LRP1B: variants seen among roughly 807,000 people sequenced by gnomAD.
The protein encoded by LRP1B is LDL receptor related protein 1B, also known as low-density lipoprotein receptor-related protein 1B.
LRP1B carries 217 observed loss-of-function variants against 556.6 expected under a neutral mutation model. The observed-to-expected ratio is 0.39, with a 90% confidence interval of 0.35 to 0.44. The LOEUF (loss-of-function observed/expected upper bound fraction) is 0.44. LRP1B is among the 20% of genes least tolerant of loss of function. LRP1B has a pLI of 1.00. For missense variants in LRP1B, 5,053 were observed against 5,620.8 expected (o/e 0.90, Z 3.23); for synonymous variants, 2,047 against 1,865.8 (o/e 1.10, Z -2.50).
intron 1 of LRP1B, among the ~76,000 whole-genome samples, chr2:141,813,314 T>G (rs1235933469): frequency 6.6e-6 from 1 of 151,938 alleles, no homozygotes; most frequent in Non-Finnish European, 1.5e-5. Context: ...GGACTGACGG[T>G]TAGAGTATGG....
chr2:142,003,905 G>A (rs1312126818), intron 1 of LRP1B, among the ~76,000 whole-genome samples: 1 of 152,178 alleles, frequency 6.6e-6, no homozygotes, highest in Non-Finnish European at 1.5e-5. Context: ...ATATTATGCT[G>A]CCTTCACTTT....
intron 7 of LRP1B, among the ~76,000 whole-genome samples, chr2:141,153,308 T>A (rs1318355956): frequency 1.7e-5 from 2 of 120,148 alleles, no homozygotes; most frequent in South Asian, 4.8e-4. Flanking sequence ...TAATATATTA[T>A]ATATATTAGC....
intron 7 of LRP1B, among the ~76,000 whole-genome samples, chr2:141,096,399 C>T (rs1290673845): frequency 6.6e-6 from 1 of 151,958 alleles, no homozygotes; most frequent in Non-Finnish European, 1.5e-5. Flanking sequence ...ACCAGCCTGG[C>T]CAACATGGTG....
At chr2:140,595,166 A>G (rs906573277) in intron 43 of LRP1B, among the ~76,000 whole-genome samples, 32 of 141,866 alleles carry the variant, frequency 2.3e-4, no homozygotes, top group African/African-American at 8.2e-4. Flanking sequence ...GGAATAAAAT[A>G]AGGAGTAGAA....
chr2:141,004,193 G>T (rs1002819990), intron 15 of LRP1B, among the ~76,000 whole-genome samples: 2 of 151,998 alleles, frequency 1.3e-5, no homozygotes, highest in African/African-American at 2.4e-5. Context: ...AATTTTATAT[G>T]CCAACTTGAC....
At chr2:140,803,602 C>T (rs1463407648) in intron 32 of LRP1B, among the ~76,000 whole-genome samples, 2 of 151,844 alleles carry the variant, frequency 1.3e-5, no homozygotes, top group African/African-American at 4.8e-5. Flanking sequence ...CTGGCTGGAA[C>T]TTTTATTTTA....
chr2:141,314,263 A>T (rs1686915670), intron 3 of LRP1B, among the ~76,000 whole-genome samples: 1 of 152,144 alleles, frequency 6.6e-6, no homozygotes, highest in African/African-American at 2.4e-5. Flanking sequence ...TTGTCCTTTG[A>T]ATATAAGATA....
rs575090709 is a variant in LRP1B, at chr2:142,031,190, T to A, written c.82+99458A>T. On this transcript the variant is annotated intron_variant, in intron 1 of 90. Transcript: ENST00000389484. ...ATATAGCTTTCTTTCTTCTTGTGTG[T>A]GTGTAATGAGATAAATGTGCATGTG... Among the ~76,000 whole-genome samples the A allele has an allele frequency of 5.3e-5, 8 of 151,856 alleles. No homozygotes were observed. In the South Asian group the frequency reaches 8.3e-4, roughly 16 times the overall value.
chr2:141,934,911 T>G (rs7587996), intron 1 of LRP1B, among the ~76,000 whole-genome samples: 11,928 of 152,176 alleles, frequency 0.078, 1,561 homozygotes, highest in African/African-American at 0.27. Flanking sequence ...GAAAACAGAC[T>G]AATACACCCA....
At chr2:141,012,585 C>G (rs1697787111) in intron 14 of LRP1B, among the ~76,000 whole-genome samples, 4 of 151,768 alleles carry the variant, frequency 2.6e-5, no homozygotes, top group Admixed American at 2.6e-4. Context: ...ATAATTTTAT[C>G]TTTTATCAGC....
intron 35 of LRP1B, among the ~76,000 whole-genome samples, chr2:140,764,125 A>C (rs555243053): frequency 6.6e-6 from 1 of 152,252 alleles, no homozygotes; most frequent in African/African-American, 2.4e-5. Context: ...TTACTAGAAA[A>C]ATTTTGTAAA....
chr2:141,950,391 C>A (rs1701074139), intron 1 of LRP1B, among the ~76,000 whole-genome samples: 2 of 152,134 alleles, frequency 1.3e-5, no homozygotes, highest in African/African-American at 4.8e-5. Flanking sequence ...TTAGGTAACT[C>A]AATCTAGTCT....
intron 2 of LRP1B, among the ~76,000 whole-genome samples, chr2:141,678,921 C>T (rs188359051): frequency 1.3e-5 from 2 of 152,206 alleles, no homozygotes; most frequent in Admixed American, 1.3e-4. Context: ...GACCTAGTAA[C>T]TTGCTGCTAA....
At chr2:141,605,689 T>C (rs756975254) in intron 2 of LRP1B, among the ~76,000 whole-genome samples, 2 of 152,188 alleles carry the variant, frequency 1.3e-5, no homozygotes, top group Non-Finnish European at 2.9e-5. Flanking sequence ...CTGCTGTTAC[T>C]GCTAAATAGG....
intron 2 of LRP1B, among the ~76,000 whole-genome samples, chr2:141,745,332 A>C (rs1693874031): frequency 6.6e-6 from 1 of 152,124 alleles, no homozygotes; most frequent in Admixed American, 6.6e-5. Context: ...TGAAGTGAAA[A>C]ATATTAGAAA....
chr2:141,829,635 A>G (rs557334800), intron 1 of LRP1B, among the ~76,000 whole-genome samples: 11 of 152,184 alleles, frequency 7.2e-5, no homozygotes, highest in African/African-American at 2.6e-4. Flanking sequence ...CTCTAAAACA[A>G]GAAGGAACAG....
At chr2:140,439,507 T>A (rs996913574) in intron 66 of LRP1B, among the ~76,000 whole-genome samples, 1 of 152,120 alleles carries the variant, frequency 6.6e-6, no homozygotes, top group Non-Finnish European at 1.5e-5. Flanking sequence ...AATCTTTACA[T>A]ACACAAAAAT....
chr2:141,663,500 C>T (rs527929056), intron 2 of LRP1B, among the ~76,000 whole-genome samples: 4 of 151,712 alleles, frequency 2.6e-5, no homozygotes, highest in Admixed American at 1.3e-4. Flanking sequence ...GAAGTGATAA[C>T]GAGAATATCA....
chr2:141,979,880 C>T (rs1394174506), intron 1 of LRP1B, among the ~76,000 whole-genome samples: 2 of 151,984 alleles, frequency 1.3e-5, no homozygotes, highest in African/African-American at 4.8e-5. Context: ...ATCATCATGC[C>T]CATTATCAGA....
Sources: allele counts gnomAD v4.1 joint callset (sites outside exome capture counted in the v4.1 genomes callset), GRCh38; gene constraint gnomAD v4.1.1; transcripts MANE v1.5; gene names NCBI Gene and HGNC (gene_info 2026-07-23, HGNC 2026-07-21).